KMT2C: variants seen among roughly 807,000 people sequenced by gnomAD.
The protein encoded by KMT2C is histone-lysine N-methyltransferase 2C.
In KMT2C, 88 loss-of-function variants were observed where a neutral mutation model predicts 507.9. The observed-to-expected ratio is 0.17, with a 90% CI of 0.15 to 0.21. KMT2C has a LOEUF of 0.21. KMT2C is among the 10% of genes least tolerant of loss of function. The pLI, the probability that KMT2C is intolerant of heterozygous loss-of-function variation, is 1.00. For synonymous variants in KMT2C, 2,049 were observed against 2,080.8 expected (o/e 0.98, Z 0.42); for missense variants, 4,954 against 5,957.8 (o/e 0.83, Z 5.55).
intron 6 of KMT2C, among the ~76,000 whole-genome samples, chr7:152,291,622 C>T (rs2096428809): frequency 6.6e-6 from 1 of 152,278 alleles, no homozygotes; most frequent in African/African-American, 2.4e-5. Context: ...AGTTGTTTCA[C>T]ATAGACTATG....
At chr7:152,170,210 A>AAAT (rs2092901564) in intron 40 of KMT2C, among the ~76,000 whole-genome samples, 1 of 152,016 alleles carries the variant, frequency 6.6e-6, no homozygotes, top group African/African-American at 2.4e-5. Flanking sequence ...ACTCAGCTAT[A>AAAT]AAGGCTATGC....
intron 7 of KMT2C, among the ~76,000 whole-genome samples, chr7:152,269,776 CTAAATGAAG>C (rs2095926718): frequency 6.6e-6 from 1 of 151,720 alleles, no homozygotes; most frequent in Non-Finnish European, 1.5e-5. Context: ...TAAGATGAAG[CTAAATGAAG>C]TAAAGGGAGC....
In KMT2C at chr7:152,235,859, C is replaced by T. The variant is rs1387877331; in HGVS notation, c.2727G>A (p.Arg909=). The change falls in exon 16 of 59, where the codon AGG becomes AGA. Residue 909 remains arginine, a synonymous_variant. Transcript: ENST00000262189. Reference sequence around the variant, plus strand: ...CTCCGATTCCACTTTTCAGCTTTGACCTGCCTCGGCCACCTCGCCCCGACA... The same window carrying T: ...CTCCGATTCCACTTTTCAGCTTTGATCTGCCTCGGCCACCTCGCCCCGACA... The part of the protein sequence containing the change: ...AGLSGRGGRG[R]SKLKSGIGAV... 4.3e-6 allele frequency: 7 copies of T among 1,611,682 alleles called. No homozygotes were observed. The highest frequency in any genetic ancestry group is 5.9e-6 in the Non-Finnish European group (7 of 1,179,628).
chr7:152,330,174 G>A (rs1292561756), intron 3 of KMT2C, among the ~76,000 whole-genome samples: 1 of 132,114 alleles, frequency 7.6e-6, no homozygotes, highest in Admixed American at 7.6e-5. Flanking sequence ...GGTGGTGGGG[G>A]GGGGGAGAAA....
Position 152,230,230 on chromosome 7 carries a change from G to C in KMT2C, c.2861C>G (p.Thr954Ser), listed in dbSNP as rs748765440. Residue 954 changes from threonine to serine, a missense_variant, in exon 17 of 59, where the codon ACT becomes AGT. By Grantham distance (58) the Thr-to-Ser change is moderately conservative (BLOSUM62 1). Transcript: ENST00000262189. Reference protein sequence around the residue: ...VVLFSSSDKFTLNQDMCVVCG... With the variant: ...VVLFSSSDKFSLNQDMCVVCG... ...TTGTCAAGTTCAAACCTGATTCAAA[G>C]TGAACTTGTCACTGCTAGAAAACAA... is the stretch of plus-strand genomic sequence containing the variant. 13 of 1,582,916 alleles carry C rather than the reference G, an allele frequency of 8.2e-6. No homozygotes were observed. Among genetic ancestry groups the C allele is most frequent in the Non-Finnish European group, 1.0e-5 (12 of 1,159,250 alleles).
chr7:152,277,748 T>C (rs2096111158), intron 6 of KMT2C, among the ~76,000 whole-genome samples: 1 of 152,086 alleles, frequency 6.6e-6, no homozygotes, highest in South Asian at 2.1e-4. Flanking sequence ...TCATTATCAA[T>C]ACTGAATTAA....
chr7:152,370,170 G>GACA (rs1240958392), intron 1 of KMT2C, among the ~76,000 whole-genome samples: 2 of 151,190 alleles, frequency 1.3e-5, no homozygotes, highest in Non-Finnish European at 2.9e-5. Flanking sequence ...CTCCAGCCTG[G>GACA]ACAACGGAGG....
chr7:152,251,715 G>A (rs1016615931), intron 11 of KMT2C, among the ~76,000 whole-genome samples: 12 of 151,898 alleles, frequency 7.9e-5, no homozygotes, highest in Admixed American at 2.6e-4. Flanking sequence ...CACTAGACCC[G>A]GAATTCAAAT....
intron 1 of KMT2C, among the ~76,000 whole-genome samples, chr7:152,365,419 T>C (rs192105010): frequency 3.8e-4 from 58 of 152,254 alleles, no homozygotes; most frequent in Middle Eastern, 3.4e-3. Context: ...TGAGGCAGAA[T>C]TGCTCCAACT....
At chr7:152,353,138 T>C (rs950577196) in intron 2 of KMT2C, among the ~76,000 whole-genome samples, 2 of 152,152 alleles carry the variant, frequency 1.3e-5, no homozygotes, top group Non-Finnish European at 2.9e-5. Flanking sequence ...AGATCAAATT[T>C]TCTCAGCTGG....
In KMT2C at chr7:152,326,440, T is replaced by G. The variant is rs192941985; in HGVS notation, c.389+4161A>C. On this transcript the variant is annotated intron_variant, in intron 3 of 58. Coordinates refer to ENST00000262189, the MANE Select transcript of KMT2C (RefSeq NM_170606.3). ...TATTATTTTATATTATTGGAAAATA[T>G]TCTAAAAAATACCATTTAACTCTGT... Among the ~76,000 whole-genome samples the G allele has an allele frequency of 2.8e-3, 429 of 152,236 alleles. 1 individual carries two copies. Among genetic ancestry groups the G allele is most frequent in the Non-Finnish European group, 3.9e-3 (268 of 68,024 alleles).
At chr7:152,237,020 A>C (rs2095287757) in intron 15 of KMT2C, among the ~76,000 whole-genome samples, 1 of 152,230 alleles carries the variant, frequency 6.6e-6, no homozygotes, top group Non-Finnish European at 1.5e-5. Context: ...TGATAATTTC[A>C]GACATTAAGT....
chr7:152,184,348 A>G (rs1588026973), intron 34 of KMT2C, among the ~76,000 whole-genome samples: 1 of 152,184 alleles, frequency 6.6e-6, no homozygotes, highest in Admixed American at 6.5e-5. Flanking sequence ...ATAACTATAT[A>G]TATTTTCCAA....
Position 152,139,215 on chromosome 7 carries a change from A to T in KMT2C, c.14505T>A (p.Ile4835=). 1 of 1,613,998 alleles carries T rather than the reference A, an allele frequency of 6.2e-7. No individual in the cohort carries two copies. Among genetic ancestry groups the T allele is most frequent in the Non-Finnish European group, 8.5e-7 (1 of 1,180,020 alleles). ...YMFRMDNDHV[I]DATLTGGPAR... ...CGGGCCCTCCTGTGAGCGTCGCGTC[A>T]ATCACATGGTCGTTATCCATGCGGA... The change falls in exon 57 of 59, where the codon ATT becomes ATA. Residue 4835 remains isoleucine (I), a synonymous_variant. Transcript: ENST00000262189.
At chr7:152,297,238 C>G (rs2096524996) in intron 6 of KMT2C, among the ~76,000 whole-genome samples, 2 of 152,020 alleles carry the variant, frequency 1.3e-5, no homozygotes, top group Non-Finnish European at 1.5e-5. Flanking sequence ...AGTTTCCAGG[C>G]CATGGCATAG....
chr7:152,297,067 GAGAGAGAGAGAGAGAGAGAGAGAGAGAA>G (rs1563767916), intron 6 of KMT2C, among the ~76,000 whole-genome samples: 1 of 86,220 alleles, frequency 1.2e-5, no homozygotes, highest in Admixed American at 1.1e-4. Context: ...GAGAGAGAGA[GAGAGAGAGAGAGAGAGAGAGAGAGAGAA>G]AGAAAGAAAG....
chr7:152,197,305 T>A (rs1460072247), intron 27 of KMT2C, among the ~76,000 whole-genome samples: 1 of 152,176 alleles, frequency 6.6e-6, no homozygotes, highest in Non-Finnish European at 1.5e-5. Context: ...GGAACTCTTG[T>A]TTAGGCTAGC....
chr7:152,339,777 CTGAA>C (rs2129218621), intron 2 of KMT2C, among the ~76,000 whole-genome samples: 1 of 152,076 alleles, frequency 6.6e-6, no homozygotes, highest in East Asian at 1.9e-4. Context: ...ACCACAAAAC[CTGAA>C]TGATGTTCGA....
chr7:152,167,149 T>C lies in KMT2C; in HGVS notation c.9747A>G (p.Glu3249=). The C allele has an allele frequency of 1.2e-6, 2 of 1,613,010 alleles. No homozygotes were observed. The highest frequency in any genetic ancestry group is 1.7e-6 in the Non-Finnish European group (2 of 1,178,986). Residue 3249 remains glutamate, a synonymous_variant, in exon 42 of 59, where the codon GAA becomes GAG. Coordinates refer to ENST00000262189, the MANE Select transcript of KMT2C (RefSeq NM_170606.3). Reference sequence around the variant, plus strand: ...ATTTTGCAAACCTATTTATTACCTGTTCTAGCTGTTTCTGAACCATGCTTT... The same window carrying C: ...ATTTTGCAAACCTATTTATTACCTGCTCTAGCTGTTTCTGAACCATGCTTT... ...EQQSMVQKQL[E]QIRKQQKEHA...
Sources: allele counts gnomAD v4.1 joint callset (sites outside exome capture counted in the v4.1 genomes callset), GRCh38; gene constraint gnomAD v4.1.1; transcripts MANE v1.5; gene names NCBI Gene and HGNC (gene_info 2026-07-23, HGNC 2026-07-21).